The following SLC35G1 variants were observed in gnomAD, a reference collection of about 807,000 sequenced individuals.
SLC35G1 encodes partner of STIM1.
In SLC35G1, 10 loss-of-function variants were observed where a neutral mutation model predicts 17.1. The ratio of observed to expected loss-of-function variants is 0.59; its 90% CI spans 0.36 to 0.99. The LOEUF is 0.99. Ranked by LOEUF, SLC35G1 falls within the 50% of genes least tolerant of loss-of-function variation. The pLI, the probability that SLC35G1 is intolerant of heterozygous loss-of-function variation, is 0.01. For synonymous variants in SLC35G1, 185 were observed against 181.1 expected, an observed-to-expected ratio of 1.02 and a Z score of -0.18; for missense variants, 433 against 468.4, an observed-to-expected ratio of 0.92 and a Z score of 0.70.
rs2060377289 is a variant in SLC35G1 at position 93,900,921 on chromosome 10, T to G, written c.529T>G (p.Cys177Gly). 1 of 1,614,110 alleles carries G rather than the reference T, an allele frequency of 6.2e-7. No individual in the cohort carries two copies. The highest frequency in any genetic ancestry group is 8.5e-7 in the Non-Finnish European group (1 of 1,179,986). Residue 177 changes from cysteine to glycine, a missense_variant, in exon 3 of 3, where the codon TGT (cysteine) becomes GGT (glycine). Transcript: ENST00000427197. ...GTTTACGTCCATATTTGCTTGGATA[T>G]GTCTCAAGGAAAAATATAGCCCTTG... The part of the protein sequence containing the change: ...PVFTSIFAWI[C>G]LKEKYSPWDA...
rs1330920356 is a variant in SLC35G1, at chr10:93,894,004, AC to A, written c.-28del. On this transcript the variant is annotated 5_prime_UTR_variant, in exon 1 of 3. Coordinates refer to ENST00000427197, the MANE Select transcript of SLC35G1 (RefSeq NM_001134658.3). ...GGCGCTGCTGCTGGCGCCAGACGGCACCGGCCGCTGGTAGAGCGCGTGCCGC... is the reference window on the plus strand; with the variant it reads ...GGCGCTGCTGCTGGCGCCAGACGGCACGGCCGCTGGTAGAGCGCGTGCCGC... 16 of 1,357,064 alleles carry A rather than the reference AC, an allele frequency of 1.2e-5. No individual in the cohort carries two copies. The highest frequency in any genetic ancestry group is 3.8e-6 in the Non-Finnish European group (4 of 1,059,644). The allele number at this position is 1,357,064 out of a possible 1,614,324, so 84.1% of individuals were successfully genotyped here. A position where few individuals can be genotyped will look rare whatever the true frequency, so the allele number is the denominator to read the frequency against.
At chr10:93,896,153 A>G (rs1251592655) in intron 1 of SLC35G1, among the ~76,000 whole-genome samples, 1 of 152,058 alleles carries the variant, frequency 6.6e-6, no homozygotes, top group East Asian at 1.9e-4. Flanking sequence ...ACCACACCCG[A>G]CTAATTTAAA....
intron 2 of SLC35G1, among the ~76,000 whole-genome samples, chr10:93,899,900 TTA>T (rs2060366599): frequency 6.6e-6 from 1 of 152,158 alleles, no homozygotes; most frequent in Non-Finnish European, 1.5e-5. Flanking sequence ...TTGACCCATT[TTA>T]TGTTTTATTA....
intron 1 of SLC35G1, among the ~76,000 whole-genome samples, chr10:93,898,107 G>A (rs1458017175): frequency 2.0e-5 from 3 of 152,190 alleles, no homozygotes; most frequent in African/African-American, 7.2e-5. Context: ...GTGGGAGGAA[G>A]TCAAATAATC....
Position 93,900,754 on chromosome 10 carries a change from C to T in SLC35G1, c.362C>T (p.Thr121Ile), listed in dbSNP as rs766872870. The change falls in exon 3 of 3, where the codon ACT becomes ATT. Residue 121 changes from threonine to isoleucine, a missense_variant and splice_region_variant. Physicochemically the swap from Thr to Ile is moderately conservative, Grantham distance 89. Coordinates refer to ENST00000427197, the MANE Select transcript of SLC35G1 (RefSeq NM_001134658.3). ...VVIPCLIYRK[T>I]GFIGPKGQRI... Reference sequence around the variant, plus strand: ...CATTTCTTCATTTGAATTTACAGAACTGGGTTTATAGGCCCAAAAGGTCAA... The same window carrying T: ...CATTTCTTCATTTGAATTTACAGAATTGGGTTTATAGGCCCAAAAGGTCAA... 6.4e-7 allele frequency: 1 copy of T among 1,573,834 alleles called. No homozygotes were observed. Among genetic ancestry groups the T allele is most frequent in the Admixed American group, 1.8e-5 (1 of 55,870 alleles).
At chr10:93,905,191 G>A (rs533929753), downstream of SLC35G1, among the ~76,000 whole-genome samples, 9 of 152,184 alleles carry the variant, frequency 5.9e-5, no homozygotes, top group South Asian at 2.1e-4. Context: ...AGCCTCTTAC[G>A]TATTGCACTC....
At chr10:93,904,589 T>G (rs1320383623), downstream of SLC35G1, among the ~76,000 whole-genome samples, 9 of 152,192 alleles carry the variant, frequency 5.9e-5, no homozygotes, top group African/African-American at 1.7e-4. Flanking sequence ...CAGCTTAGGC[T>G]TTTGTTTCTT....
chr10:93,901,014 G>T lies in SLC35G1; in HGVS notation c.622G>T (p.Gly208Cys), dbSNP rs1261667288. The change falls in exon 3 of 3, where the codon GGT (glycine) becomes TGT (cysteine). Residue 208 changes from glycine to cysteine, a missense_variant. Transcript: ENST00000427197. Reference protein sequence around the residue: ...ILIVRPPFLFGSDTSGMEESY... With the variant: ...ILIVRPPFLFCSDTSGMEESY... The stretch of plus-strand genomic sequence containing the variant: ...TATCGTGAGACCACCATTTTTGTTT[G>T]GTTCCGACACTTCGGGGATGGAAGA... 7.4e-6 allele frequency: 12 copies of T among 1,614,016 alleles called. No homozygotes were observed. Among genetic ancestry groups the T allele is most frequent in the Non-Finnish European group, 9.3e-6 (11 of 1,179,970 alleles).
chr10:93,901,380 A>G lies in SLC35G1; in HGVS notation c.988A>G (p.Ile330Val), dbSNP rs2134069732. Residue 330 changes from isoleucine to valine, a missense_variant, in exon 3 of 3, where the codon ATT becomes GTT. Coordinates refer to ENST00000427197, the MANE Select transcript of SLC35G1 (RefSeq NM_001134658.3). Reference sequence around the variant, plus strand: ...TGTGGTCTTTGCTTTTATCTTTCAGATTATTTTCTTTAATAATGTGCCAAC... The same window carrying G: ...TGTGGTCTTTGCTTTTATCTTTCAGGTTATTTTCTTTAATAATGTGCCAAC... ...MDVVFAFIFQIIFFNNVPTWW... is the reference protein window; with the variant it reads ...MDVVFAFIFQVIFFNNVPTWW... 1 of 1,614,062 alleles carries G rather than the reference A, an allele frequency of 6.2e-7. No homozygotes were observed. The highest frequency in any genetic ancestry group is 2.2e-5 in the East Asian group (1 of 44,884).
chr10:93,907,987 C>T (rs572688331), downstream of SLC35G1: 68 of 152,316 alleles, frequency 4.5e-4, no homozygotes, highest in African/African-American at 1.5e-3. Flanking sequence ...CCTGACTCAC[C>T]TTACGGACTT....
downstream of SLC35G1, among the ~76,000 whole-genome samples, chr10:93,903,999 T>C (rs1338231098): frequency 6.6e-6 from 1 of 152,188 alleles, no homozygotes. Flanking sequence ...AACAGTGTAA[T>C]CTGTTTATCT....
chr10:93,899,467 A>C (rs945753383), intron 2 of SLC35G1, among the ~76,000 whole-genome samples: 2 of 152,120 alleles, frequency 1.3e-5, no homozygotes, highest in African/African-American at 4.8e-5. Flanking sequence ...TCCTTCAACC[A>C]TTGTAACCTC....
At chr10:93,908,573 AAGAAT>A (rs1274602193), downstream of SLC35G1, 5 of 152,134 alleles carry the variant, frequency 3.3e-5, no homozygotes, top group African/African-American at 1.2e-4. Flanking sequence ...CTAGAAGCGA[AAGAAT>A]AGAAGGTGAT....
At chr10:93,906,895 A>G (rs139538708), downstream of SLC35G1, among the ~76,000 whole-genome samples, 40 of 152,286 alleles carry the variant, frequency 2.6e-4, 1 homozygote, top group East Asian at 7.5e-3. Context: ...TCATAAGTAT[A>G]CAGTGGAGCT....
chr10:93,902,526 C>A lies in SLC35G1; in HGVS notation c.*1036C>A, dbSNP rs1283671879. 1.3e-5 allele frequency: 2 copies of A among 152,512 alleles called. No homozygotes were observed. The highest frequency in any genetic ancestry group is 1.5e-5 in the Non-Finnish European group (1 of 68,016). 9.4% of individuals were successfully genotyped at this position (152,512 alleles called of 1,614,324 possible). A position where few individuals can be genotyped will look rare whatever the true frequency, so the allele number is the denominator to read the frequency against. Reference sequence around the variant, plus strand: ...TATGATTCACCCTAATAGATACCTCCATTATTCTCTAAATGAAATAGAAGA... The same window carrying A: ...TATGATTCACCCTAATAGATACCTCAATTATTCTCTAAATGAAATAGAAGA... On this transcript the variant is annotated 3_prime_UTR_variant, in exon 3 of 3. Coordinates refer to ENST00000427197, the MANE Select transcript of SLC35G1 (RefSeq NM_001134658.3).
downstream of SLC35G1, chr10:93,908,593 A>G (rs902575550): frequency 3.3e-5 from 5 of 152,162 alleles, no homozygotes; most frequent in African/African-American, 9.7e-5. Flanking sequence ...GGTGATGACA[A>G]CACTGCATAT....
chr10:93,905,804 T>A (rs370450591), downstream of SLC35G1, among the ~76,000 whole-genome samples: 269 of 152,274 alleles, frequency 1.8e-3, 1 homozygote, highest in Non-Finnish European at 3.0e-3. Flanking sequence ...GGAAGTAACC[T>A]AGATTCATGA....
chr10:93,901,049 A>G lies in SLC35G1; in HGVS notation c.657A>G (p.Ser219=), dbSNP rs755750402. 5.0e-5 allele frequency: 80 copies of G among 1,614,004 alleles called. 1 individual carries two copies. The highest frequency in any genetic ancestry group is 4.2e-6 in the Non-Finnish European group (5 of 1,179,988). ...CTTCGGGGATGGAAGAAAGCTATTC[A>G]GGCCACCTTAAGGGAACATTCGCAG... ...SDTSGMEESY[S]GHLKGTFAAI... Residue 219 remains serine, a synonymous_variant, in exon 3 of 3, where the codon TCA becomes TCG. Transcript: ENST00000427197.
Position 93,901,400 on chromosome 10 carries a change from G to A in SLC35G1, c.1008G>A (p.Val336=), listed in dbSNP as rs1383534738. 1 of 1,614,094 alleles carries A rather than the reference G, an allele frequency of 6.2e-7. No homozygotes were observed. Among genetic ancestry groups the A allele is most frequent in the East Asian group, 2.2e-5 (1 of 44,882 alleles). Residue 336 remains valine (V), a synonymous_variant, in exon 3 of 3, where the codon GTG becomes GTA. Coordinates refer to ENST00000427197, the MANE Select transcript of SLC35G1 (RefSeq NM_001134658.3). ...TTCAGATTATTTTCTTTAATAATGT[G>A]CCAACGTGGTGGACAGTGGGTGGTG... is the stretch of plus-strand genomic sequence containing the variant. ...FIFQIIFFNN[V]PTWWTVGGAL...
Sources: allele counts gnomAD v4.1 joint callset (sites outside exome capture counted in the v4.1 genomes callset), GRCh38; gene constraint gnomAD v4.1.1; transcripts MANE v1.5; gene names NCBI Gene and HGNC (gene_info 2026-07-23, HGNC 2026-07-21).